Variants in VRK2 observed in about 807,000 individuals in gnomAD.
VRK2 encodes serine/threonine-protein kinase VRK2.
Under a neutral mutation model 57.6 loss-of-function variants are expected in VRK2, and 60 were observed. That is an observed-to-expected ratio of 1.04 (90% confidence interval 0.85 to 1.29). The LOEUF (loss-of-function observed/expected upper bound fraction) is 1.29. VRK2 is among the 50% of genes most tolerant of loss of function. VRK2 has a pLI of 0.00. For synonymous variants in VRK2, 231 were observed against 199.2 expected, an observed-to-expected ratio of 1.16 and a Z score of -1.35; for missense variants, 705 against 588.1, an observed-to-expected ratio of 1.20 and a Z score of -2.06.
rs372212850 is a variant in VRK2 at position 58,117,210 on chromosome 2, G to A, written c.544-5891G>A. On this transcript the variant is annotated intron_variant, in intron 7 of 12. Transcript: ENST00000340157. Reference sequence around the variant, plus strand: ...CCACACAAGCCATGAACTGGGCTGGGTTTTTATATTTGATGAAAAAGAGCC... The same window carrying A: ...CCACACAAGCCATGAACTGGGCTGGATTTTTATATTTGATGAAAAAGAGCC... Among the ~76,000 whole-genome samples, 3 of 152,124 alleles carry A rather than the reference G, an allele frequency of 2.0e-5. No individual in the cohort carries two copies. In the East Asian group the frequency reaches 5.8e-4, roughly 29 times the overall value.
chr2:58,051,218 A>C (rs1489757418), intron 2 of VRK2, among the ~76,000 whole-genome samples: 1 of 152,138 alleles, frequency 6.6e-6, no homozygotes, highest in Non-Finnish European at 1.5e-5. Context: ...TATGTAAGGG[A>C]ACATTCTCTA....
chr2:58,084,691 A>T (rs1253639485), intron 3 of VRK2, among the ~76,000 whole-genome samples, 190 bp from the exon 4 acceptor site: 1 of 151,938 alleles, frequency 6.6e-6, no homozygotes, highest in Non-Finnish European at 1.5e-5. Context: ...TCGTTTAAAA[A>T]TTAGATTCTT....
intron 1 of VRK2, among the ~76,000 whole-genome samples, chr2:58,010,854 A>G (rs539524697): frequency 6.6e-5 from 10 of 152,202 alleles, no homozygotes; most frequent in Middle Eastern, 3.2e-3. Flanking sequence ...ATATGTTTAC[A>G]TAAGGACAGG....
At chr2:57,972,430 C>T (rs1335470728) in intron 1 of VRK2, among the ~76,000 whole-genome samples, 1 of 151,798 alleles carries the variant, frequency 6.6e-6, no homozygotes, top group African/African-American at 2.4e-5. Context: ...GCAACAGTTA[C>T]ACGATAATAC....
intron 7 of VRK2, among the ~76,000 whole-genome samples, chr2:58,104,838 C>G (rs911692311): frequency 6.6e-6 from 1 of 151,958 alleles, no homozygotes; most frequent in African/African-American, 2.4e-5. Context: ...ACCAAAACAG[C>G]ATGGTTCTGG....
intron 1 of VRK2, among the ~76,000 whole-genome samples, chr2:57,915,738 C>A (rs72945341): frequency 6.6e-6 from 1 of 152,264 alleles, no homozygotes; most frequent in South Asian, 2.1e-4. Flanking sequence ...GTCCCCAACC[C>A]GCTGGGCTGC....
intron 3 of VRK2, among the ~76,000 whole-genome samples, chr2:58,035,162 C>T (rs1674235912): frequency 6.6e-6 from 1 of 151,974 alleles, no homozygotes. Flanking sequence ...AACAGAAATG[C>T]CCCCAAAGTT....
At chr2:58,040,471 G>A (rs894360850) in intron 3 of VRK2, among the ~76,000 whole-genome samples, 1 of 152,186 alleles carries the variant, frequency 6.6e-6, no homozygotes, top group Non-Finnish European at 1.5e-5. Context: ...GAGACTTAGA[G>A]GAAAACCTAA....
intron 1 of VRK2, among the ~76,000 whole-genome samples, chr2:57,992,435 C>G (rs999039694): frequency 6.6e-6 from 1 of 152,176 alleles, no homozygotes; most frequent in Non-Finnish European, 1.5e-5. Context: ...CAAGGTATGA[C>G]TATCTCAGTT....
intron 12 of VRK2, among the ~76,000 whole-genome samples, chr2:58,156,578 TG>T (rs1558715890): frequency 2.2e-5 from 3 of 137,134 alleles, no homozygotes; most frequent in African/African-American, 1.1e-4. Flanking sequence ...TGGGTGGTGG[TG>T]TTTTTTTTGT....
intron 3 of VRK2, among the ~76,000 whole-genome samples, chr2:58,040,776 A>C (rs924802767): frequency 1.3e-5 from 2 of 152,202 alleles, no homozygotes; most frequent in Non-Finnish European, 2.9e-5. Context: ...AAAGGTTCAC[A>C]GTAGGAGAGA....
chr2:58,154,242 A>T (rs57559033), intron 12 of VRK2, among the ~76,000 whole-genome samples: 4,807 of 150,828 alleles, frequency 0.032, 268 homozygotes, highest in African/African-American at 0.11. Context: ...CCAGCTTTTG[A>T]TTGATCATTC....
chr2:58,135,196 T>C lies in VRK2; in HGVS notation c.853T>C (p.Cys285Arg). 1 of 1,614,202 alleles carries C rather than the reference T, an allele frequency of 6.2e-7. No homozygotes were observed. Among genetic ancestry groups the C allele is most frequent in the Non-Finnish European group, 8.5e-7 (1 of 1,180,028 alleles). The change falls in exon 10 of 13, where the codon TGC becomes CGC. Residue 285 changes from cysteine to arginine, a missense_variant. Physicochemically the swap from Cys to Arg is radical, Grantham distance 180. Transcript: ENST00000340157. The part of the protein sequence containing the change: ...VLKWAPSGSS[C>R]CEIAQFLVCA... ...TAAATGGGCTCCTTCTGGAAGCAGT[T>C]GCTGTAAGTCAAATAATAACTTCAA...
intron 1 of VRK2, among the ~76,000 whole-genome samples, chr2:57,941,120 TC>T (rs1671080044): frequency 6.6e-6 from 1 of 152,166 alleles, no homozygotes; most frequent in Non-Finnish European, 1.5e-5. Flanking sequence ...AACTCACTCT[TC>T]CGTAAGAAAT....
intron 1 of VRK2, among the ~76,000 whole-genome samples, chr2:57,913,076 A>G (rs960480083): frequency 1.3e-5 from 2 of 152,180 alleles, no homozygotes; most frequent in Non-Finnish European, 2.9e-5. Context: ...ACTGTGAAAA[A>G]CAAATGCTTG....
chr2:58,120,179 C>CTTTTTTTTTTTTT (rs1677207512), intron 7 of VRK2, among the ~76,000 whole-genome samples: 2 of 93,370 alleles, frequency 2.1e-5, no homozygotes, highest in African/African-American at 4.6e-5. Context: ...ATTTTTTTTT[C>CTTTTTTTTTTTTT]TTTTCTTTTT....
At chr2:58,156,730 T>G (rs1683937858) in intron 12 of VRK2, among the ~76,000 whole-genome samples, 2 of 152,170 alleles carry the variant, frequency 1.3e-5, no homozygotes, top group African/African-American at 4.8e-5. Flanking sequence ...ATGTTGAGAT[T>G]CCACCTCCCC....
intron 1 of VRK2, among the ~76,000 whole-genome samples, chr2:57,950,851 T>C (rs1671405182): frequency 6.6e-6 from 1 of 152,030 alleles, no homozygotes; most frequent in Non-Finnish European, 1.5e-5. Context: ...CCCAGCACTT[T>C]GAGAGGCTGA....
At position 57,991,946 on chromosome 2, in the gene VRK2, G is replaced by A. The variant is rs1352956882; in HGVS notation, c.-438-33719G>A. On this transcript the variant is annotated intron_variant, in intron 1 of 15. Coordinates refer to the VRK2 transcript ENST00000417641. Reference sequence around the variant, plus strand: ...GCACTCCAGCCTGGCGACAGCATGAGACTCCAACTCAAAAAAAAAAAAAAA... The same window carrying A: ...GCACTCCAGCCTGGCGACAGCATGAAACTCCAACTCAAAAAAAAAAAAAAA... 4.9e-5 allele frequency among the ~76,000 whole-genome samples: 7 copies of A among 144,036 alleles called. No homozygotes were observed. The Admixed American group carries it at 4.9e-4, about 10-fold the overall frequency. 94.5% of individuals were successfully genotyped at this position (144,036 alleles called of 152,430 possible).
Sources: gnomAD v4.1 joint callset for allele counts (sites outside exome capture counted in the v4.1 genomes callset) on GRCh38, gnomAD v4.1.1 for gene constraint, MANE v1.5 for transcripts, NCBI Gene and HGNC (gene_info 2026-07-23, HGNC 2026-07-21) for gene names.